Variants in RNF10 observed in about 807,000 individuals in gnomAD.
RNF10 encodes E3 ubiquitin-protein ligase RNF10.
A neutral mutation model predicts 91.4 loss-of-function variants in RNF10; 38 were observed. The observed-to-expected ratio is 0.42, with a 90% CI of 0.32 to 0.54. The LOEUF (loss-of-function observed/expected upper bound fraction) is 0.54. Among genes scored for constraint, RNF10 ranks in the 20% least tolerant of loss-of-function variants. RNF10 has a pLI of 0.16. For missense variants in RNF10, 945 were observed against 1,012.0 expected, an observed-to-expected ratio of 0.93 and a Z score of 0.90; for synonymous variants, 364 against 366.3, an observed-to-expected ratio of 0.99 and a Z score of 0.07.
chr12:120,563,188 G>A, intron 8 of RNF10, 118 bp downstream of exon 8: 3 of 1,513,312 alleles, frequency 2.0e-6, no homozygotes, highest in Admixed American at 1.7e-5. Flanking sequence ...AGTATTTTCT[G>A]TATGCTTGTT....
intron 2 of RNF10, among the ~76,000 whole-genome samples, chr12:120,546,977 AT>A (rs370442567): frequency 1.3e-4 from 20 of 152,180 alleles, no homozygotes; most frequent in African/African-American, 4.3e-4. Context: ...ATAGTCTCAA[AT>A]TTTTTTTAGG....
chr12:120,575,682 A>G lies in RNF10; in HGVS notation c.2194A>G (p.Lys732Glu). The part of the protein sequence containing the change: ...KADVWPKTAP[K>E]KDENSLVPPA... ...AGATGTGTGGCCCAAAACTGCTCCA[A>G]AGAAAGGTGAGGATGGTCCACTGGT... Residue 732 changes from lysine (K) to glutamate (E), a missense_variant, in exon 15 of 17, where the codon AAG (lysine) becomes GAG (glutamate). Transcript: ENST00000325954. The G allele has an allele frequency of 1.2e-6, 2 of 1,614,180 alleles. No homozygotes were observed. The highest frequency in any genetic ancestry group is 1.1e-5 in the South Asian group (1 of 91,082).
rs1379874579 is a variant in RNF10, at chr12:120,534,826, C to T, written c.15C>T (p.Ser5=). The T allele has an allele frequency of 1.3e-6, 2 of 1,591,182 alleles. No individual in the cohort carries two copies. The highest frequency in any genetic ancestry group is 2.3e-5 in the East Asian group (1 of 44,128). MPLS[S]PNAAATASDM... The stretch of plus-strand genomic sequence containing the variant: ...GGCCCCCGTTGATGCCGCTGAGCTC[C>T]CCCAACGCCGCCGCCACCGCCTCCG... The change falls in exon 1 of 17, where the codon TCC becomes TCT. Residue 5 remains serine (S), a synonymous_variant. Transcript: ENST00000325954.
At chr12:120,552,465 A>G (rs1478169778) in intron 2 of RNF10, 34 bp from the exon 3 acceptor site, 2 of 1,574,086 alleles carry the variant, frequency 1.3e-6, no homozygotes, top group Non-Finnish European at 1.7e-6. Flanking sequence ...TGTCATCCTA[A>G]TCTGAAATAC....
intron 6 of RNF10, among the ~76,000 whole-genome samples, chr12:120,560,374 G>A (rs191051982): frequency 3.2e-3 from 478 of 151,622 alleles, no homozygotes; most frequent in African/African-American, 0.011. Flanking sequence ...GGCTGGTCTC[G>A]AACTCTTGAT....
chr12:120,568,793 T>G (rs951757320), intron 13 of RNF10, among the ~76,000 whole-genome samples: 1 of 151,836 alleles, frequency 6.6e-6, no homozygotes, highest in Non-Finnish European at 1.5e-5. Context: ...TTTTAAGAGA[T>G]AGGGTCTTGC....
At chr12:120,544,736 G>A (rs535983981) in intron 1 of RNF10, among the ~76,000 whole-genome samples, 43 of 152,290 alleles carry the variant, frequency 2.8e-4, no homozygotes, top group Non-Finnish European at 4.9e-4. Context: ...AAGCAACCTA[G>A]GGATGTGTAA....
In RNF10 at chr12:120,563,821, C is replaced by G; in HGVS notation, c.1543C>G (p.Gln515Glu). 1 of 1,614,088 alleles carries G rather than the reference C, an allele frequency of 6.2e-7. No homozygotes were observed. Among genetic ancestry groups the G allele is most frequent in the Non-Finnish European group, 8.5e-7 (1 of 1,180,000 alleles). ...CYYFYQAEDG[Q>E]HMFLHPVNVR... ...CCCCTTGTCCTCAGCGGAAGATGGACAGCATATGTTCCTGCACCCTGTGAA... is the reference window on the plus strand; with the variant it reads ...CCCCTTGTCCTCAGCGGAAGATGGAGAGCATATGTTCCTGCACCCTGTGAA... Residue 515 changes from glutamine to glutamate, a missense_variant, in exon 10 of 17, where the codon CAG becomes GAG. Coordinates refer to ENST00000325954, the MANE Select transcript of RNF10 (RefSeq NM_014868.5).
intron 1 of RNF10, among the ~76,000 whole-genome samples, chr12:120,539,776 GTCTTGACAGTAGT>G (rs1565943314): frequency 6.6e-6 from 1 of 151,946 alleles, no homozygotes; most frequent in Admixed American, 6.6e-5. Flanking sequence ...TTTGGAATGT[GTCTTGACAGTAGT>G]TCTTGGCAGT....
At chr12:120,544,646 A>G (rs539615989) in intron 1 of RNF10, among the ~76,000 whole-genome samples, 191 of 152,288 alleles carry the variant, frequency 1.3e-3, no homozygotes, top group African/African-American at 4.5e-3. Flanking sequence ...ACAGAGCAAA[A>G]CCTTGTCTCT....
At chr12:120,571,357 G>A in intron 14 of RNF10, 66 bp downstream of exon 14, 1 of 1,138,880 alleles carries the variant, frequency 8.8e-7, no homozygotes, top group Non-Finnish European at 1.3e-6. Flanking sequence ...CATTATTATG[G>A]GAACCTCCTC....
chr12:120,556,876 G>C (rs1217054356), intron 4 of RNF10, among the ~76,000 whole-genome samples: 1 of 151,996 alleles, frequency 6.6e-6, no homozygotes, highest in Non-Finnish European at 1.5e-5. Context: ...TACAAAGCCA[G>C]GCGCGGTGGC....
chr12:120,548,939 G>A (rs787831), intron 2 of RNF10, among the ~76,000 whole-genome samples: 40,884 of 151,912 alleles, frequency 0.27, 6,603 homozygotes, highest in Admixed American at 0.39. Flanking sequence ...CAAAGTGCTG[G>A]GATTACAGGC....
At position 120,577,093 on chromosome 12, in the gene RNF10, A is replaced by T; in HGVS notation, c.*427A>T. On this transcript the variant is annotated 3_prime_UTR_variant, in exon 17 of 17. Coordinates refer to ENST00000325954, the MANE Select transcript of RNF10 (RefSeq NM_014868.5). ...CACCTCTCAGTTTGTCTTTTAAAAA[A>T]CAGCTGAATCTTTACTACCTATTTA... is the stretch of plus-strand genomic sequence containing the variant. The T allele has an allele frequency of 2.4e-6, 1 of 425,172 alleles. No homozygotes were observed. Among genetic ancestry groups the T allele is most frequent in the Middle Eastern group, 3.5e-4 (1 of 2,868 alleles). 26.3% of individuals were successfully genotyped at this position (425,172 alleles called of 1,614,324 possible).
rs34889649 is a variant in RNF10, at chr12:120,556,530, C to CAAAA, written c.646-728_646-725dup. Among the ~76,000 whole-genome samples, 16 of 19,220 alleles carry CAAAA rather than the reference C, an allele frequency of 8.3e-4. 2 individuals carry two copies. Among genetic ancestry groups the CAAAA allele is most frequent in the African/African-American group, 2.2e-3 (10 of 4,520 alleles). 12.6% of individuals were successfully genotyped at this position (19,220 alleles called of 152,430 possible). ...TGGGTGACAGAGTGAGACTCCGTCTCAAAAAAAAAAAAAAAAAAAAAAAAA... is the reference window on the plus strand; with the variant it reads ...TGGGTGACAGAGTGAGACTCCGTCTCAAAAAAAAAAAAAAAAAAAAAAAAAAAAA... On this transcript the variant is annotated intron_variant, in intron 4 of 16. Coordinates refer to ENST00000325954, the MANE Select transcript of RNF10 (RefSeq NM_014868.5).
Position 120,576,745 on chromosome 12 carries a change from T to C in RNF10, c.*79T>C. The C allele has an allele frequency of 6.3e-7, 1 of 1,576,354 alleles. No homozygotes were observed. The highest frequency in any genetic ancestry group is 1.2e-5 in the South Asian group (1 of 85,296). ...CCCCCATGCTTTTGTTTGGCTGCTGTAATTTTTAAGTATTTGAGTTTGAAC... is the reference window on the plus strand; with the variant it reads ...CCCCCATGCTTTTGTTTGGCTGCTGCAATTTTTAAGTATTTGAGTTTGAAC... On this transcript the variant is annotated 3_prime_UTR_variant, in exon 17 of 17. Transcript: ENST00000325954.
In RNF10 at chr12:120,566,969, G is replaced by T. The variant is rs201421747; in HGVS notation, c.2030G>T (p.Gly677Val). The change falls in exon 13 of 17, where the codon GGT (glycine) becomes GTT (valine). Residue 677 changes from glycine to valine, a missense_variant. By Grantham distance (109) the Gly-to-Val change is moderately radical (BLOSUM62 -3). Transcript: ENST00000325954. ...LSISPLSRSP[G>V]SHADFLLTPL... ...ATTTCTCCTCTCAGCAGAAGTCCAG[G>T]TTCCCATGCAGGTAAACAGGTGAAA... 6.2e-7 allele frequency: 1 copy of T among 1,601,594 alleles called. No homozygotes were observed. Among genetic ancestry groups the T allele is most frequent in the African/African-American group, 1.4e-5 (1 of 73,896 alleles).
At chr12:120,539,315 C>G in intron 1 of RNF10, 1 of 883,100 alleles carries the variant, frequency 1.1e-6, no homozygotes, top group Non-Finnish European at 1.6e-6. Context: ...AAGCAGATAA[C>G]TTACTGGCAT....
At chr12:120,545,601 G>T (rs1035495487) in intron 1 of RNF10, among the ~76,000 whole-genome samples, 1 of 151,260 alleles carries the variant, frequency 6.6e-6, no homozygotes, top group African/African-American at 2.4e-5. Flanking sequence ...GCTGTGGCAC[G>T]ATCTCGGCTC....
Sources: gnomAD v4.1 joint callset for allele counts (sites outside exome capture counted in the v4.1 genomes callset) on GRCh38, gnomAD v4.1.1 for gene constraint, MANE v1.5 for transcripts, NCBI Gene and HGNC (gene_info 2026-07-23, HGNC 2026-07-21) for gene names.